The following TSHZ1 variants were observed in gnomAD, a reference collection of about 807,000 sequenced individuals.
TSHZ1 encodes teashirt zinc finger homeobox 1.
TSHZ1 carries 12 observed loss-of-function variants against 67.1 expected under a neutral mutation model. The observed-to-expected ratio is 0.18, with a 90% confidence interval of 0.11 to 0.29. The LOEUF (loss-of-function observed/expected upper bound fraction) is 0.29. Ranked by LOEUF, TSHZ1 falls within the 10% of genes least tolerant of loss-of-function variation. The pLI is 1.00. For missense variants in TSHZ1, 1,305 were observed against 1,413.9 expected, an observed-to-expected ratio of 0.92 and a Z score of 1.23; for synonymous variants, 632 against 622.4, an observed-to-expected ratio of 1.02 and a Z score of -0.23.
chr18:75,250,599 C>A (rs781525729), intron 1 of TSHZ1, among the ~76,000 whole-genome samples: 12 of 152,230 alleles, frequency 7.9e-5, no homozygotes, highest in Admixed American at 3.3e-4. Context: ...CATGGCAGCA[C>A]CTGCATGAGG....
chr18:75,229,675 C>T (rs774416734), intron 1 of TSHZ1, among the ~76,000 whole-genome samples: 6 of 152,186 alleles, frequency 3.9e-5, no homozygotes, highest in East Asian at 1.9e-4. Flanking sequence ...TATGACGTGC[C>T]GACCCTGGGT....
At chr18:75,241,457 A>G (rs940013306) in intron 1 of TSHZ1, among the ~76,000 whole-genome samples, 1 of 152,124 alleles carries the variant, frequency 6.6e-6, no homozygotes, top group African/African-American at 2.4e-5. Flanking sequence ...CCCCCTCCGC[A>G]TAAGGAGTCA....
chr18:75,233,743 C>T (rs2023029586), intron 1 of TSHZ1, among the ~76,000 whole-genome samples: 1 of 152,136 alleles, frequency 6.6e-6, no homozygotes, highest in Non-Finnish European at 1.5e-5. Context: ...TGACGTGGGG[C>T]TTCCTCACAC....
At chr18:75,238,815 AAAT>A in intron 1 of TSHZ1, among the ~76,000 whole-genome samples, 1 of 152,368 alleles carries the variant, frequency 6.6e-6, no homozygotes, top group East Asian at 1.9e-4. Context: ...GAATCTCAAA[AAAT>A]AACTTGATTT....
intron 1 of TSHZ1, among the ~76,000 whole-genome samples, chr18:75,256,112 A>G (rs1194870302): frequency 6.6e-6 from 1 of 152,200 alleles, no homozygotes; most frequent in Non-Finnish European, 1.5e-5. Flanking sequence ...TTAAATAACA[A>G]TTTTTCAAAG....
At chr18:75,232,702 A>C (rs2023015787) in intron 1 of TSHZ1, among the ~76,000 whole-genome samples, 1 of 152,162 alleles carries the variant, frequency 6.6e-6, no homozygotes, top group African/African-American at 2.4e-5. Context: ...CATTTTAAAG[A>C]TGGTCCCACA....
chr18:75,247,189 T>C (rs1158105080), intron 1 of TSHZ1, among the ~76,000 whole-genome samples: 10 of 152,140 alleles, frequency 6.6e-5, no homozygotes, highest in Admixed American at 6.5e-4. Context: ...CCACCGACCG[T>C]ACACCTTCAC....
At chr18:75,214,541 G>A (rs2022741902) in intron 1 of TSHZ1, among the ~76,000 whole-genome samples, 1 of 152,154 alleles carries the variant, frequency 6.6e-6, no homozygotes, top group Non-Finnish European at 1.5e-5. Context: ...AAAGCTGCAT[G>A]TTGGCCTGCC....
intron 1 of TSHZ1, among the ~76,000 whole-genome samples, chr18:75,277,981 T>C (rs2023635327): frequency 6.6e-6 from 1 of 152,076 alleles, no homozygotes; most frequent in East Asian, 1.9e-4. Flanking sequence ...CCTGGGCTCC[T>C]ACCATGCTCT....
At chr18:75,215,279 G>A (rs2022751524) in intron 1 of TSHZ1, among the ~76,000 whole-genome samples, 1 of 152,214 alleles carries the variant, frequency 6.6e-6, no homozygotes, top group African/African-American at 2.4e-5. Context: ...CTGGCTGGGA[G>A]CACACCGGGC....
In TSHZ1 at chr18:75,286,023, A is replaced by G; in HGVS notation, c.616A>G (p.Lys206Glu). The G allele has an allele frequency of 2.5e-6, 4 of 1,611,794 alleles. No individual in the cohort carries two copies. The highest frequency in any genetic ancestry group is 1.3e-5 in the African/African-American group (1 of 74,970). The change falls in exon 2 of 2, where the codon AAG becomes GAG. Residue 206 changes from lysine (K) to glutamate (E), a missense_variant. This residue lies in a region of TSHZ1 where 358 missense variants were observed against 375.6 expected (regional missense o/e 0.95). Transcript: ENST00000580243. The surrounding 1 kb of genome is among the most constrained non-coding windows in gnomAD (Gnocchi z 5.1). ...GYDWHQAALAKTLQQTSSYGL... is the reference protein window; with the variant it reads ...GYDWHQAALAETLQQTSSYGL... Reference sequence around the variant, plus strand: ...CGACTGGCACCAGGCTGCACTGGCCAAGACGCTGCAGCAGACGTCCTCGTA... The same window carrying G: ...CGACTGGCACCAGGCTGCACTGGCCGAGACGCTGCAGCAGACGTCCTCGTA...
intron 1 of TSHZ1, among the ~76,000 whole-genome samples, chr18:75,242,828 AC>A (rs1211882130): frequency 1.3e-5 from 2 of 152,238 alleles, no homozygotes; most frequent in Admixed American, 6.5e-5. Context: ...CATAGCTTAT[AC>A]TTATTCGTTT....
chr18:75,236,711 A>AT (rs1207113682), intron 1 of TSHZ1, among the ~76,000 whole-genome samples: 1 of 152,108 alleles, frequency 6.6e-6, no homozygotes, highest in Non-Finnish European at 1.5e-5. Context: ...CTCACTAAGT[A>AT]TTTTAGAGTT....
At position 75,234,236 on chromosome 18, in the gene TSHZ1, A is replaced by G. The variant is rs562443347; in HGVS notation, c.40+22320A>G. 3.3e-5 allele frequency among the ~76,000 whole-genome samples: 5 copies of G among 152,278 alleles called. No individual in the cohort carries two copies. The East Asian group carries it at 9.7e-4, about 29-fold the overall frequency. ...GGGGCAGCCTGGGAGCCCTTTATTC[A>G]GAACTGGGATTGTGGGTTCCCTGCG... On this transcript the variant is annotated intron_variant, in intron 1 of 1. Transcript: ENST00000580243.
At chr18:75,238,803 C>T (rs2023116587) in intron 1 of TSHZ1, among the ~76,000 whole-genome samples, 1 of 152,274 alleles carries the variant, frequency 6.6e-6, no homozygotes, top group East Asian at 1.9e-4. Flanking sequence ...GAAAATGTGG[C>T]AGAATCTCAA....
At chr18:75,241,705 A>G (rs1208513781) in intron 1 of TSHZ1, among the ~76,000 whole-genome samples, 4 of 152,072 alleles carry the variant, frequency 2.6e-5, no homozygotes, top group Admixed American at 6.5e-5. Flanking sequence ...TTAAAACAAC[A>G]TACATTTATT....
intron 1 of TSHZ1, among the ~76,000 whole-genome samples, chr18:75,223,119 C>T (rs533332300): frequency 2.9e-4 from 44 of 152,256 alleles, no homozygotes; most frequent in Admixed American, 1.5e-3. Flanking sequence ...TACATTTATT[C>T]CTCCGTTCTT....
chr18:75,219,297 G>A (rs1020170150), intron 1 of TSHZ1, among the ~76,000 whole-genome samples: 12 of 152,168 alleles, frequency 7.9e-5, no homozygotes, highest in Non-Finnish European at 1.8e-4. Flanking sequence ...TATCAATAGG[G>A]TTGATAGAGG....
intron 1 of TSHZ1, among the ~76,000 whole-genome samples, chr18:75,231,806 TTGA>T (rs1383334389): frequency 6.6e-6 from 1 of 152,098 alleles, no homozygotes; most frequent in Non-Finnish European, 1.5e-5. Context: ...AGTGCTGGGA[TTGA>T]TGATAGGTGT....
Sources: allele counts gnomAD v4.1 joint callset (sites outside exome capture counted in the v4.1 genomes callset), GRCh38; gene constraint gnomAD v4.1.1; regional missense constraint gnomAD v4.1.1; non-coding constraint Gnocchi (gnomAD v3.1); transcripts MANE v1.5; gene names NCBI Gene and HGNC (gene_info 2026-07-23, HGNC 2026-07-21).